The following FBXL17 variants were observed in gnomAD, a reference collection of about 807,000 sequenced individuals.
The protein encoded by FBXL17 is F-box/LRR-repeat protein 17.
In FBXL17, 22 loss-of-function variants were observed where a neutral mutation model predicts 66.2. That is an observed-to-expected ratio of 0.33 (90% confidence interval 0.24 to 0.47). The LOEUF (loss-of-function observed/expected upper bound fraction) is 0.47, where lower values mean the gene tolerates loss of function less well. FBXL17 is among the 20% of genes least tolerant of loss of function. FBXL17 has a pLI of 1.00. For missense variants in FBXL17, 878 were observed against 948.2 expected, an observed-to-expected ratio of 0.93 and a Z score of 0.97; for synonymous variants, 474 against 400.5, an observed-to-expected ratio of 1.18 and a Z score of -2.19.
chr5:108,093,754 T>C (rs1749271895), intron 6 of FBXL17, among the ~76,000 whole-genome samples: 1 of 152,180 alleles, frequency 6.6e-6, no homozygotes. Context: ...GTAAGTACAA[T>C]AGAATAAGAT....
At chr5:108,358,830 A>T (rs565565268) in intron 3 of FBXL17, among the ~76,000 whole-genome samples, 43 of 152,120 alleles carry the variant, frequency 2.8e-4, no homozygotes, top group East Asian at 1.5e-3. Flanking sequence ...TTCATTGGAA[A>T]TTTTTTTAAC....
In FBXL17 at chr5:108,364,797, A is replaced by G. The variant is rs776343023; in HGVS notation, c.1315T>C (p.Leu439=). 2 of 1,612,710 alleles carry G rather than the reference A, an allele frequency of 1.2e-6. No individual in the cohort carries two copies. The highest frequency in any genetic ancestry group is 2.7e-5 in the African/African-American group (2 of 74,856). The change falls in exon 3 of 9, where the codon TTA becomes CTA. Residue 439 remains leucine (L), a synonymous_variant. Transcript: ENST00000542267. ...TTGCCTACATGCACTTTCTGAAGTA[A>G]AGGACAGTGAGAGGCAACCGCAATA... ...SIIAVASHCP[L]LQKVHVGNQD... is the part of the protein sequence containing the mutation.
Position 108,186,188 on chromosome 5 carries a change from C to T in FBXL17, c.1674G>A (p.Val558=), listed in dbSNP as rs1238319695. Residue 558 remains valine (V), a synonymous_variant, in exon 6 of 9, where the codon GTG becomes GTA. Transcript: ENST00000542267. ...RHITELDNET[V]MEIVKRCKNL... ...TTTTGCACCTCTTGACAATTTCCAT[C>T]ACGGTTTCATTATCCAGTTCAGTGA... 3.7e-6 allele frequency: 6 copies of T among 1,612,648 alleles called. No individual in the cohort carries two copies. The African/African-American group carries it at 8.0e-5, about 22-fold the overall frequency.
At chr5:108,269,177 T>G (rs1279598486) in intron 4 of FBXL17, among the ~76,000 whole-genome samples, 1 of 152,030 alleles carries the variant, frequency 6.6e-6, no homozygotes, top group African/African-American at 2.4e-5. Context: ...ACATAGGAAT[T>G]CCATCTTGTG....
chr5:108,050,724 A>G (rs1747437619), intron 6 of FBXL17, among the ~76,000 whole-genome samples: 1 of 152,092 alleles, frequency 6.6e-6, no homozygotes. Flanking sequence ...TGAAGAAACT[A>G]AGAGACACGA....
intron 6 of FBXL17, among the ~76,000 whole-genome samples, chr5:108,092,304 G>C (rs1365925424): frequency 6.6e-6 from 1 of 152,094 alleles, no homozygotes; most frequent in African/African-American, 2.4e-5. Flanking sequence ...AGCTGAATGA[G>C]TCTCTTTATT....
At chr5:108,365,894 C>A (rs1748628892) in intron 2 of FBXL17, among the ~76,000 whole-genome samples, 1 of 151,976 alleles carries the variant, frequency 6.6e-6, no homozygotes. Context: ...TCATTAAAAG[C>A]CTAAAAATCT....
At chr5:107,962,202 C>T (rs180778548) in intron 7 of FBXL17, among the ~76,000 whole-genome samples, 11 of 152,190 alleles carry the variant, frequency 7.2e-5, no homozygotes, top group East Asian at 3.9e-4. Context: ...CTGAACCGTA[C>T]GCTTAAAAAT....
At chr5:107,915,286 T>A (rs1750087897) in intron 7 of FBXL17, among the ~76,000 whole-genome samples, 1 of 152,170 alleles carries the variant, frequency 6.6e-6, no homozygotes, top group Non-Finnish European at 1.5e-5. Context: ...TTGTATACCC[T>A]ATTTTAGATC....
chr5:108,037,036 T>C (rs1362267459), intron 6 of FBXL17, among the ~76,000 whole-genome samples: 1 of 152,082 alleles, frequency 6.6e-6, no homozygotes, highest in Non-Finnish European at 1.5e-5. Flanking sequence ...CATATGTAGA[T>C]CCCTAGGGTT....
At chr5:108,319,634 C>A (rs1580809073) in intron 4 of FBXL17, among the ~76,000 whole-genome samples, 1 of 151,258 alleles carries the variant, frequency 6.6e-6, no homozygotes, top group Non-Finnish European at 1.5e-5. Context: ...CCCTAGGAAT[C>A]GTTTATTTTA....
chr5:108,002,993 T>G (rs1580313126), intron 7 of FBXL17, among the ~76,000 whole-genome samples: 1 of 152,372 alleles, frequency 6.6e-6, no homozygotes, highest in East Asian at 1.9e-4. Flanking sequence ...TTCACAACTC[T>G]GCATATTTAC....
At chr5:107,883,353 C>T (rs374844697) in intron 7 of FBXL17, among the ~76,000 whole-genome samples, 1 of 151,960 alleles carries the variant, frequency 6.6e-6, no homozygotes, top group East Asian at 1.9e-4. Flanking sequence ...GGCAAGGCAC[C>T]TGGTAGTTCT....
chr5:107,979,006 A>C (rs1265411388), intron 7 of FBXL17, among the ~76,000 whole-genome samples: 1 of 152,234 alleles, frequency 6.6e-6, no homozygotes, highest in African/African-American at 2.4e-5. Context: ...ATCATTGTCA[A>C]GTTAACTTCT....
chr5:107,920,639 A>G (rs890934334), intron 7 of FBXL17, among the ~76,000 whole-genome samples: 1 of 152,146 alleles, frequency 6.6e-6, no homozygotes, highest in Non-Finnish European at 1.5e-5. Flanking sequence ...ATAAATCCAC[A>G]CCCCAAATTC....
At chr5:108,236,371 G>A (rs943506469) in intron 4 of FBXL17, among the ~76,000 whole-genome samples, 3 of 151,848 alleles carry the variant, frequency 2.0e-5, no homozygotes, top group Non-Finnish European at 4.4e-5. Context: ...AAATTAGCCG[G>A]GCGTGGTGGC....
intron 3 of FBXL17, among the ~76,000 whole-genome samples, chr5:108,359,292 T>G (rs748247758): frequency 2.0e-5 from 3 of 152,110 alleles, no homozygotes; most frequent in Admixed American, 6.6e-5. Flanking sequence ...CCATAGCTTT[T>G]CTGTCCTCTA....
At chr5:107,935,089 CA>C (rs1750856318) in intron 7 of FBXL17, among the ~76,000 whole-genome samples, 1 of 151,778 alleles carries the variant, frequency 6.6e-6, no homozygotes, top group Non-Finnish European at 1.5e-5. Flanking sequence ...GCACTTTACA[CA>C]CATAAGATAT....
intron 7 of FBXL17, among the ~76,000 whole-genome samples, chr5:107,957,677 T>C (rs907331511): frequency 6.6e-6 from 1 of 152,116 alleles, no homozygotes; most frequent in Admixed American, 6.6e-5. Context: ...CTAAATTGGT[T>C]TGCACGCCCA....
Sources: allele counts gnomAD v4.1 joint callset (sites outside exome capture counted in the v4.1 genomes callset), GRCh38; gene constraint gnomAD v4.1.1; transcripts MANE v1.5; gene names NCBI Gene and HGNC (gene_info 2026-07-23, HGNC 2026-07-21).